CDS2: variants seen among roughly 807,000 people sequenced by gnomAD.
CDS2 encodes CDP-diacylglycerol synthase 2, also known as phosphatidate cytidylyltransferase 2.
A neutral mutation model predicts 59.0 loss-of-function variants in CDS2; 47 were observed. That is an observed-to-expected ratio of 0.80 (90% CI 0.63 to 1.02). The LOEUF (loss-of-function observed/expected upper bound fraction) is 1.02, where lower values mean the gene tolerates loss of function less well. CDS2 is among the 50% of genes least tolerant of loss of function. The probability of loss-of-function intolerance (pLI) is 0.00; values close to 1 mark genes in which losing one functional copy is unlikely to be tolerated. For synonymous variants in CDS2, 207 were observed against 206.4 expected (o/e 1.00, Z -0.02); for missense variants, 356 against 558.9 (o/e 0.64, Z 3.66).
intron 1 of CDS2, among the ~76,000 whole-genome samples, chr20:5,158,110 ATTC>A (rs1349553117): frequency 6.9e-6 from 1 of 144,840 alleles, no homozygotes. Flanking sequence ...CAAGACAGTT[ATTC>A]TTCTTCCAGT....
At chr20:5,170,627 GGA>G (rs1327063769) in intron 1 of CDS2, among the ~76,000 whole-genome samples, 1 of 152,242 alleles carries the variant, frequency 6.6e-6, no homozygotes, top group Non-Finnish European at 1.5e-5. Flanking sequence ...TCAGCATGTG[GGA>G]GAGAGTGGTC....
At chr20:5,138,440 T>C (rs1413974071) in intron 1 of CDS2, among the ~76,000 whole-genome samples, 1 of 152,132 alleles carries the variant, frequency 6.6e-6, no homozygotes, top group Non-Finnish European at 1.5e-5. Flanking sequence ...CTCAGTTCTG[T>C]TCTATTTGTC....
In CDS2 at chr20:5,190,463, G is replaced by A. The variant is rs550642175; in HGVS notation, c.*229G>A. ...CAGCTTTGAGTTGGAAAGAAGTCAC[G>A]GGTTGTAAAACCATTTGGATTTTTT... On this transcript the variant is annotated 3_prime_UTR_variant, in exon 13 of 13. Coordinates refer to ENST00000460006, the MANE Select transcript of CDS2 (RefSeq NM_003818.4). 13 of 403,646 alleles carry A rather than the reference G, an allele frequency of 3.2e-5. No homozygotes were observed. Among genetic ancestry groups the A allele is most frequent in the Admixed American group, 1.7e-4 (4 of 23,766 alleles). 25.0% of individuals were successfully genotyped at this position (403,646 alleles called of 1,614,324 possible). A position where few individuals can be genotyped will look rare whatever the true frequency, so the allele number is the denominator to read the frequency against.
At chr20:5,163,254 C>T (rs1409399051) in intron 1 of CDS2, among the ~76,000 whole-genome samples, 7 of 151,920 alleles carry the variant, frequency 4.6e-5, no homozygotes, top group South Asian at 2.1e-4. Flanking sequence ...TTTTTTGTTT[C>T]GTTTTTATTT....
chr20:5,185,619 A>G (rs2091062028), intron 8 of CDS2, 139 bp from the exon 9 acceptor site: 5 of 678,712 alleles, frequency 7.4e-6, no homozygotes, highest in East Asian at 5.5e-5. Flanking sequence ...CAAGGAAACC[A>G]TATTTGGGGG....
chr20:5,194,527 T>C lies in CDS2; in HGVS notation c.*4293T>C, dbSNP rs1216889880. 3 of 152,324 alleles carry C rather than the reference T, an allele frequency of 2.0e-5. No individual in the cohort carries two copies. The highest frequency in any genetic ancestry group is 7.2e-5 in the African/African-American group (3 of 41,446). The allele number at this position is 152,324 out of a possible 1,614,324, so 9.4% of individuals were successfully genotyped here. A position where few individuals can be genotyped will look rare whatever the true frequency, so the allele number is the denominator to read the frequency against. The stretch of plus-strand genomic sequence containing the variant: ...GGCCTCTCAGGTGGATGGAGGCTGT[T>C]CTCATCTGGGGCTGTCTCTTGATTA... On this transcript the variant is annotated 3_prime_UTR_variant, in exon 13 of 13. Transcript: ENST00000460006.
At chr20:5,146,673 C>T (rs56053631) in intron 1 of CDS2, among the ~76,000 whole-genome samples, 2,395 of 152,224 alleles carry the variant, frequency 0.016, 28 homozygotes, top group South Asian at 0.038. Context: ...TACCACTTTG[C>T]GTTTATAACC....
intron 1 of CDS2, among the ~76,000 whole-genome samples, chr20:5,127,856 AG>A (rs1194847863): frequency 6.6e-6 from 1 of 152,046 alleles, no homozygotes; most frequent in Non-Finnish European, 1.5e-5. Flanking sequence ...AGATCTGTGT[AG>A]GGGAGTTAAG....
intron 1 of CDS2, among the ~76,000 whole-genome samples, chr20:5,151,922 G>A (rs371319814): frequency 6.6e-6 from 1 of 151,050 alleles, no homozygotes; most frequent in Non-Finnish European, 1.5e-5. Flanking sequence ...GTGCCACCAT[G>A]CCCCGCTAAT....
intron 1 of CDS2, among the ~76,000 whole-genome samples, chr20:5,149,823 C>T (rs975621682): frequency 1.3e-5 from 2 of 152,154 alleles, no homozygotes; most frequent in African/African-American, 2.4e-5. Flanking sequence ...TCAAGTGATT[C>T]TCCTGCCTTA....
intron 1 of CDS2, among the ~76,000 whole-genome samples, chr20:5,129,399 C>G (rs1162284993): frequency 5.3e-5 from 8 of 151,908 alleles, no homozygotes. Flanking sequence ...GCCTCAGCCT[C>G]CTGAGTAGCT....
chr20:5,138,651 A>G (rs1367293192), intron 1 of CDS2, among the ~76,000 whole-genome samples: 2 of 151,522 alleles, frequency 1.3e-5, no homozygotes, highest in Non-Finnish European at 2.9e-5. Flanking sequence ...ATGCCCAGCA[A>G]ATTTTTGTAT....
Position 5,192,875 on chromosome 20 carries a change from G to C in CDS2, c.*2641G>C, listed in dbSNP as rs1380874493. 6.6e-6 allele frequency: 1 copy of C among 152,250 alleles called. No homozygotes were observed. The highest frequency in any genetic ancestry group is 6.5e-5 in the Admixed American group (1 of 15,290). 9.4% of individuals were successfully genotyped at this position (152,250 alleles called of 1,614,324 possible). A position where few individuals can be genotyped will look rare whatever the true frequency, so the allele number is the denominator to read the frequency against. ...CCAGGCAGGGAGCTTCCCCAGGATA[G>C]TGTGGTGGAGTCAGGACTCACTCCA... On this transcript the variant is annotated 3_prime_UTR_variant, in exon 13 of 13. Coordinates refer to ENST00000460006, the MANE Select transcript of CDS2 (RefSeq NM_003818.4).
intron 1 of CDS2, among the ~76,000 whole-genome samples, chr20:5,139,266 G>T (rs180961002): frequency 3.9e-5 from 6 of 152,230 alleles, no homozygotes; most frequent in African/African-American, 1.4e-4. Flanking sequence ...GGATTTGCTA[G>T]AATTGCATTG....
intron 1 of CDS2, among the ~76,000 whole-genome samples, chr20:5,162,172 A>G (rs541028171): frequency 1.6e-4 from 24 of 152,348 alleles, no homozygotes; most frequent in African/African-American, 5.8e-4. Context: ...ATAGGGAGAT[A>G]AGAATTAAGG....
chr20:5,128,715 C>G (rs1447931918), intron 1 of CDS2: 2 of 152,190 alleles, frequency 1.3e-5, no homozygotes, highest in Admixed American at 6.6e-5. Context: ...CTGGTTCAGC[C>G]TGAAAGAATT....
chr20:5,188,098 AACAC>A (rs995162497), intron 10 of CDS2, among the ~76,000 whole-genome samples: 35 of 151,458 alleles, frequency 2.3e-4, no homozygotes, highest in African/African-American at 8.3e-4. Flanking sequence ...CATGAGAAAA[AACAC>A]AAACATATTT....
intron 1 of CDS2, among the ~76,000 whole-genome samples, chr20:5,134,160 C>T (rs1568526527): frequency 6.6e-6 from 1 of 152,272 alleles, no homozygotes; most frequent in East Asian, 1.9e-4. Flanking sequence ...ACTCTGGTAT[C>T]CTTGAAAGGC....
intron 1 of CDS2, among the ~76,000 whole-genome samples, chr20:5,133,928 A>G (rs547774833): frequency 1.1e-4 from 16 of 152,338 alleles, no homozygotes; most frequent in African/African-American, 3.4e-4. Flanking sequence ...GATAGATATG[A>G]TACCCAAATG....
Sources: gnomAD v4.1 joint callset for allele counts (sites outside exome capture counted in the v4.1 genomes callset) on GRCh38, gnomAD v4.1.1 for gene constraint, MANE v1.5 for transcripts, NCBI Gene and HGNC (gene_info 2026-07-23, HGNC 2026-07-21) for gene names.